Variants in SLC25A48 observed in about 807,000 individuals in gnomAD.
SLC25A48 encodes the protein CTC-321K16.1.
SLC25A48 carries 29 observed loss-of-function variants against 32.2 expected under a neutral mutation model. The ratio of observed to expected loss-of-function variants is 0.90; its 90% CI spans 0.67 to 1.23. The LOEUF (loss-of-function observed/expected upper bound fraction) is 1.23, where lower values mean the gene tolerates loss of function less well. Among genes scored for constraint, SLC25A48 ranks in the 50% most tolerant of loss-of-function variants. The pLI, the probability that SLC25A48 is intolerant of heterozygous loss-of-function variation, is 0.00. For synonymous variants in SLC25A48, 164 were observed against 172.3 expected (o/e 0.95, Z 0.38); for missense variants, 399 against 422.7 (o/e 0.94, Z 0.49).
At chr5:135,876,194 G>GGGATTGGCTGATTT (rs1762041566) in intron 6 of SLC25A48, 1 of 120,924 alleles carries the variant, frequency 8.3e-6, no homozygotes, top group Non-Finnish European at 1.6e-5. Context: ...CAGCCAATGA[G>GGGATTGGCTGATTT]TATAGAGGGA....
intron 1 of SLC25A48, among the ~76,000 whole-genome samples, chr5:135,838,799 T>A (rs113073603): frequency 0.14 from 20,710 of 152,212 alleles, 1,793 homozygotes; most frequent in Middle Eastern, 0.2. Context: ...TTTCAGAGGA[T>A]GTATGAAAAT....
intron 3 of SLC25A48, among the ~76,000 whole-genome samples, chr5:135,784,607 G>T (rs528714214): frequency 8.5e-5 from 10 of 118,234 alleles, no homozygotes; most frequent in African/African-American, 2.6e-4. Context: ...AGAAGGAGAG[G>T]TTATTATTAC....
intron 1 of SLC25A48, among the ~76,000 whole-genome samples, chr5:135,589,552 C>T (rs960343003): frequency 6.6e-6 from 1 of 152,186 alleles, no homozygotes; most frequent in Non-Finnish European, 1.5e-5. Context: ...ATTTACGGGC[C>T]TCTGTGTCTT....
Position 135,788,838 on chromosome 5 carries a change from G to A in SLC25A48, c.-520-23685G>A, listed in dbSNP as rs115254987. Among the ~76,000 whole-genome samples, 1,062 of 150,692 alleles carry A rather than the reference G, an allele frequency of 7.0e-3. 11 individuals carry two copies. The highest frequency in any genetic ancestry group is 0.024 in the African/African-American group (995 of 41,062). The stretch of plus-strand genomic sequence containing the variant: ...TGTACACCCCCCTCCCTGCCATATG[G>A]TCCGTAATATCTAGGAGGGAGAGAT... On this transcript the variant is annotated intron_variant, in intron 3 of 10. Coordinates refer to the SLC25A48 transcript ENST00000646290.
At chr5:135,602,609 T>TC (rs1491435223) in intron 1 of SLC25A48, among the ~76,000 whole-genome samples, 1 of 145,100 alleles carries the variant, frequency 6.9e-6, no homozygotes, top group Non-Finnish European at 1.5e-5. Flanking sequence ...TTTTTTTTTT[T>TC]CTTTCTTTTT....
intron 3 of SLC25A48, among the ~76,000 whole-genome samples, chr5:135,799,899 C>A (rs1757279081): frequency 6.6e-6 from 1 of 151,668 alleles, no homozygotes; most frequent in African/African-American, 2.4e-5. Context: ...GATATTACTC[C>A]CAATATCTCA....
intron 6 of SLC25A48, among the ~76,000 whole-genome samples, chr5:135,877,214 T>C (rs1021173000): frequency 2.0e-5 from 3 of 152,036 alleles, no homozygotes; most frequent in African/African-American, 7.2e-5. Context: ...CTGCCCACTG[T>C]TAGGGTCGTC....
intron 1 of SLC25A48, among the ~76,000 whole-genome samples, chr5:135,619,143 A>G (rs58441283): frequency 0.039 from 5,930 of 152,142 alleles, 362 homozygotes; most frequent in African/African-American, 0.14. Flanking sequence ...ATATTTGGTC[A>G]CTTTATGATG....
At chr5:135,842,833 G>A (rs780020379) in intron 2 of SLC25A48, among the ~76,000 whole-genome samples, 3 of 152,220 alleles carry the variant, frequency 2.0e-5, no homozygotes, top group Non-Finnish European at 4.4e-5. Flanking sequence ...ACTGAGGTGC[G>A]AGATGCTGCA....
At chr5:135,707,984 C>T (rs936994956) in intron 3 of SLC25A48, among the ~76,000 whole-genome samples, 3 of 152,078 alleles carry the variant, frequency 2.0e-5, no homozygotes, top group Non-Finnish European at 4.4e-5. Context: ...TAGTTGAGGC[C>T]TCAGTGCCTG....
At chr5:135,870,781 C>T (rs907293274) in intron 4 of SLC25A48, among the ~76,000 whole-genome samples, 1 of 152,090 alleles carries the variant, frequency 6.6e-6, no homozygotes, top group Non-Finnish European at 1.5e-5. Flanking sequence ...ACCTTATTTG[C>T]ACTCATGACA....
At chr5:135,868,971 A>C (rs1761435089) in intron 4 of SLC25A48, among the ~76,000 whole-genome samples, 1 of 152,168 alleles carries the variant, frequency 6.6e-6, no homozygotes, top group Non-Finnish European at 1.5e-5. Context: ...GGACAATTAT[A>C]TCGATTCAGT....
At chr5:135,721,263 G>A (rs1369235235) in intron 3 of SLC25A48, among the ~76,000 whole-genome samples, 7 of 52,696 alleles carry the variant, frequency 1.3e-4, no homozygotes, top group East Asian at 8.7e-4. Flanking sequence ...GTACAATGGC[G>A]TGATCTTGGC....
chr5:135,774,324 G>A (rs546631143), intron 3 of SLC25A48, among the ~76,000 whole-genome samples: 1 of 151,654 alleles, frequency 6.6e-6, no homozygotes, highest in African/African-American at 2.4e-5. Context: ...GGATGAAAGA[G>A]GATAATATTA....
At chr5:135,643,664 G>A (rs1473967820) in intron 3 of SLC25A48, among the ~76,000 whole-genome samples, 1 of 152,160 alleles carries the variant, frequency 6.6e-6, no homozygotes, top group Admixed American at 6.5e-5. Context: ...TGGGCATCTC[G>A]TCATGCCAGA....
At chr5:135,796,418 T>C (rs993855485) in intron 3 of SLC25A48, among the ~76,000 whole-genome samples, 5 of 151,496 alleles carry the variant, frequency 3.3e-5, no homozygotes, top group African/African-American at 1.2e-4. Context: ...CCCTGTGATA[T>C]GGTTCACAAT....
intron 1 of SLC25A48, among the ~76,000 whole-genome samples, chr5:135,590,266 T>A (rs1374697704): frequency 6.6e-6 from 1 of 152,160 alleles, no homozygotes; most frequent in African/African-American, 2.4e-5. Flanking sequence ...ACCTCCCTCC[T>A]CTCCTTCACC....
chr5:135,776,269 G>C (rs1221569908), intron 3 of SLC25A48, among the ~76,000 whole-genome samples: 2 of 140,542 alleles, frequency 1.4e-5, no homozygotes, highest in Non-Finnish European at 3.1e-5. Flanking sequence ...TCATATCTGG[G>C]GGGTGGGGGG....
intron 3 of SLC25A48, among the ~76,000 whole-genome samples, chr5:135,685,616 A>G (rs1320961092): frequency 6.6e-6 from 1 of 152,080 alleles, no homozygotes; most frequent in East Asian, 1.9e-4. Flanking sequence ...TATTTTTAGT[A>G]GAGACGGGGT....
Sources: allele counts gnomAD v4.1 joint callset (sites outside exome capture counted in the v4.1 genomes callset), GRCh38; gene constraint gnomAD v4.1.1; transcripts MANE v1.5; gene names NCBI Gene and HGNC (gene_info 2026-07-23, HGNC 2026-07-21).